CRPPA: variants seen among roughly 807,000 people sequenced by gnomAD.
CRPPA encodes CDP-L-ribitol pyrophosphorylase A, also known as D-ribitol-5-phosphate cytidylyltransferase.
CRPPA carries 43 observed loss-of-function variants against 52.0 expected under a neutral mutation model. That is an observed-to-expected ratio of 0.83 (90% CI 0.65 to 1.07). The LOEUF is 1.07. Among genes scored for constraint, CRPPA ranks in the 50% least tolerant of loss-of-function variants. The pLI is 0.00. For missense variants in CRPPA, 629 were observed against 551.7 expected (o/e 1.14, Z -1.40); for synonymous variants, 250 against 203.5 (o/e 1.23, Z -1.94).
chr7:16,386,362 C>A (rs1787271260), intron 2 of CRPPA, among the ~76,000 whole-genome samples: 1 of 152,062 alleles, frequency 6.6e-6, no homozygotes, highest in Non-Finnish European at 1.5e-5. Context: ...TATGTAGGTA[C>A]AGGATAGGGA....
chr7:16,093,312 A>G (rs1781873036), intron 9 of CRPPA, among the ~76,000 whole-genome samples: 1 of 152,170 alleles, frequency 6.6e-6, no homozygotes, highest in Non-Finnish European at 1.5e-5. Flanking sequence ...AGTTGTTGAC[A>G]CGGACTGCAA....
chr7:16,393,665 A>C (rs1489008708), intron 2 of CRPPA, among the ~76,000 whole-genome samples: 1 of 152,140 alleles, frequency 6.6e-6, no homozygotes, highest in African/African-American at 2.4e-5. Context: ...GTAAGAAAAA[A>C]ATTTTTAAAC....
intron 9 of CRPPA, among the ~76,000 whole-genome samples, chr7:16,112,309 T>C (rs1175703957): frequency 6.6e-6 from 1 of 151,826 alleles, no homozygotes; most frequent in Non-Finnish European, 1.5e-5. Flanking sequence ...AGTGAGATGG[T>C]GTCTCTCAAA....
chr7:16,156,439 T>G (rs1454660241), intron 9 of CRPPA, among the ~76,000 whole-genome samples: 1 of 152,152 alleles, frequency 6.6e-6, no homozygotes, highest in African/African-American at 2.4e-5. Flanking sequence ...AGGCTCCTAG[T>G]CTTAAAGGTC....
intron 4 of CRPPA, among the ~76,000 whole-genome samples, chr7:16,304,498 G>A (rs957598858): frequency 7.2e-5 from 11 of 152,104 alleles, no homozygotes; most frequent in East Asian, 5.8e-4. Flanking sequence ...AAAATCAGCC[G>A]TGCATGGTGG....
chr7:16,188,042 ATT>A (rs34518390), intron 9 of CRPPA, among the ~76,000 whole-genome samples: 22,546 of 115,466 alleles, frequency 0.2, 1,989 homozygotes, highest in East Asian at 0.43. Flanking sequence ...ATTTGGGTGA[ATT>A]TTTTTTTTTT....
Position 16,196,782 on chromosome 7 carries a change from G to A in CRPPA, c.1251+19284C>T, listed in dbSNP as rs144926906. ...CATCAAACTTTCTGGTCCCAGGAAA[G>A]CAATAATCACTCTCAGTTTCATTTT... is the stretch of plus-strand genomic sequence containing the variant. On this transcript the variant is annotated intron_variant, in intron 9 of 9. Coordinates refer to ENST00000407010, the MANE Select transcript of CRPPA (RefSeq NM_001101426.4). Among the ~76,000 whole-genome samples, 444 of 152,196 alleles carry A rather than the reference G, an allele frequency of 2.9e-3. 3 individuals are homozygous for A. The highest frequency in any genetic ancestry group is 0.01 in the African/African-American group (427 of 41,540).
intron 3 of CRPPA, among the ~76,000 whole-genome samples, chr7:16,322,384 A>G (rs1785282843): frequency 6.6e-6 from 1 of 152,176 alleles, no homozygotes. Context: ...GAATATGTTA[A>G]GGTACCACAC....
Position 16,421,078 on chromosome 7 carries a change from T to C in CRPPA, c.245A>G (p.Gln82Arg), listed in dbSNP as rs949985964. ...LERPLISYTL[Q>R]ALERVCWIKD... is the part of the protein sequence containing the mutation. ...GGCGCCGCATTACCTCTCCAGGGCC[T>C]GTAGGGTGTAGCTGATGAGCGGCCT... The change falls in exon 1 of 10, where the codon CAG becomes CGG. Residue 82 changes from glutamine to arginine, a missense_variant. By Grantham distance (43) the Gln-to-Arg change is conservative. Coordinates refer to ENST00000407010, the MANE Select transcript of CRPPA (RefSeq NM_001101426.4). The C allele has an allele frequency of 7.8e-7, 1 of 1,289,072 alleles. No individual in the cohort carries two copies. Among genetic ancestry groups the C allele is most frequent in the Admixed American group, 4.1e-5 (1 of 24,152 alleles). The allele number at this position is 1,289,072 out of a possible 1,614,324, so 79.9% of individuals were successfully genotyped here. A position where few individuals can be genotyped will look rare whatever the true frequency, so the allele number is the denominator to read the frequency against.
intron 9 of CRPPA, among the ~76,000 whole-genome samples, chr7:16,153,211 T>C (rs1783110085): frequency 6.6e-6 from 1 of 152,062 alleles, no homozygotes. Flanking sequence ...CCAATTTCTT[T>C]TCACAATTTA....
rs905803551 is a variant in CRPPA, at chr7:16,308,688, C to T, written c.685-61G>A. ...AAATGCGATTTTAAGTAAAACCAAG[C>T]CTTTTATTTCATAATCCATTGCAAA... On this transcript the variant is annotated intron_variant, in intron 3 of 9. Coordinates refer to ENST00000407010, the MANE Select transcript of CRPPA (RefSeq NM_001101426.4). The T allele has an allele frequency of 1.9e-5, 19 of 981,798 alleles. No individual in the cohort carries two copies. The East Asian group carries it at 4.8e-4, about 25-fold the overall frequency. The allele number at this position is 981,798 out of a possible 1,614,324, so 60.8% of individuals were successfully genotyped here.
chr7:16,355,343 C>G (rs1786267082), intron 3 of CRPPA, among the ~76,000 whole-genome samples: 1 of 152,180 alleles, frequency 6.6e-6, no homozygotes, highest in African/African-American at 2.4e-5. Context: ...TCTTCTCCAT[C>G]ATAATTTAAG....
intron 8 of CRPPA, among the ~76,000 whole-genome samples, chr7:16,240,306 A>G (rs1005998569): frequency 6.6e-6 from 1 of 151,680 alleles, no homozygotes; most frequent in Admixed American, 6.6e-5. Flanking sequence ...GACTTACTAC[A>G]TCAGCAGAAA....
At chr7:16,326,717 T>C (rs759093902) in intron 3 of CRPPA, among the ~76,000 whole-genome samples, 1 of 152,230 alleles carries the variant, frequency 6.6e-6, no homozygotes, top group Admixed American at 6.5e-5. Flanking sequence ...TGTGTGACTC[T>C]CTTTTTCGCC....
intron 4 of CRPPA, among the ~76,000 whole-genome samples, chr7:16,307,026 C>T (rs956506755): frequency 6.6e-6 from 1 of 152,072 alleles, no homozygotes; most frequent in East Asian, 1.9e-4. Context: ...TGAGGCTGAT[C>T]ATGTTACTGT....
chr7:16,239,040 G>A (rs1330489018), intron 8 of CRPPA, among the ~76,000 whole-genome samples: 1 of 148,218 alleles, frequency 6.7e-6, no homozygotes, highest in East Asian at 2.0e-4. Context: ...TCAGGAGGTG[G>A]AGGCAGGAGA....
At chr7:16,147,530 TC>T (rs1199850228) in intron 9 of CRPPA, among the ~76,000 whole-genome samples, 2 of 152,206 alleles carry the variant, frequency 1.3e-5, no homozygotes, top group African/African-American at 4.8e-5. Flanking sequence ...CACTTACTTA[TC>T]TTTGTTCAAT....
intron 5 of CRPPA, among the ~76,000 whole-genome samples, chr7:16,280,873 AG>A (rs1278931341): frequency 2.0e-5 from 3 of 152,118 alleles, no homozygotes; most frequent in Non-Finnish European, 2.9e-5. Context: ...TACAAAAATT[AG>A]CCGGGCATGA....
At chr7:16,170,209 C>T (rs1781150285) in intron 9 of CRPPA, among the ~76,000 whole-genome samples, 1 of 152,234 alleles carries the variant, frequency 6.6e-6, no homozygotes, top group South Asian at 2.1e-4. Flanking sequence ...TTCTGTTTCT[C>T]TTCCAAGGGC....
Sources: gnomAD v4.1 joint callset for allele counts (sites outside exome capture counted in the v4.1 genomes callset) on GRCh38, gnomAD v4.1.1 for gene constraint, MANE v1.5 for transcripts, NCBI Gene and HGNC (gene_info 2026-07-23, HGNC 2026-07-21) for gene names.